LCORL: variants seen among roughly 807,000 people sequenced by gnomAD.
LCORL encodes ligand dependent nuclear receptor corepressor like.
LCORL carries 41 observed loss-of-function variants against 141.8 expected under a neutral mutation model. That is an observed-to-expected ratio of 0.29 (90% CI 0.23 to 0.38). The LOEUF (loss-of-function observed/expected upper bound fraction) is 0.38. Ranked by LOEUF, LCORL falls within the 10% of genes least tolerant of loss-of-function variation. LCORL has a pLI of 1.00. For synonymous variants in LCORL, 618 were observed against 694.1 expected (o/e 0.89, Z 1.72); for missense variants, 1,759 against 2,035.0 (o/e 0.86, Z 2.61).
chr4:17,912,058 C>A (rs1279671661), intron 4 of LCORL: 8 of 693,042 alleles, frequency 1.2e-5, no homozygotes, highest in African/African-American at 8.8e-5. Flanking sequence ...GAAGAAGGGA[C>A]CCCAGGTCAG....
At chr4:17,872,783 C>T (rs1354874080) in intron 7 of LCORL, among the ~76,000 whole-genome samples, 1 of 152,126 alleles carries the variant, frequency 6.6e-6, no homozygotes, top group African/African-American at 2.4e-5. Flanking sequence ...AACTACTCAA[C>T]AAGTTTGCTG....
intron 4 of LCORL, among the ~76,000 whole-genome samples, chr4:17,953,572 T>C (rs1711909716): frequency 6.6e-6 from 1 of 152,224 alleles, no homozygotes; most frequent in Non-Finnish European, 1.5e-5. Flanking sequence ...TTACTTGTCA[T>C]CTGCAAGGAC....
At chr4:17,972,515 A>G (rs1490386235) in intron 2 of LCORL, among the ~76,000 whole-genome samples, 1 of 151,728 alleles carries the variant, frequency 6.6e-6, no homozygotes, top group Non-Finnish European at 1.5e-5. Flanking sequence ...AATTTAATTA[A>G]CATTTATTTA....
intron 4 of LCORL, among the ~76,000 whole-genome samples, chr4:17,910,997 G>A (rs1577393509): frequency 6.6e-6 from 1 of 152,150 alleles, no homozygotes; most frequent in African/African-American, 2.4e-5. Context: ...AAAAGACCTA[G>A]CTATAGTTTG....
chr4:17,914,340 T>C (rs148331044), intron 4 of LCORL, among the ~76,000 whole-genome samples: 27 of 152,350 alleles, frequency 1.8e-4, no homozygotes, highest in African/African-American at 6.3e-4. Context: ...ACTTTATCAA[T>C]TCAATATGAT....
At chr4:17,843,649 T>G in exon 8 of LCORL, 2 of 360,046 alleles carry the variant, frequency 5.6e-6, no homozygotes, top group Non-Finnish European at 1.0e-5. Context: ...TATCACAATC[T>G]GAGGTGGGCC....
intron 1 of LCORL, among the ~76,000 whole-genome samples, chr4:18,004,557 G>A (rs75777053): frequency 7.9e-5 from 12 of 152,238 alleles, no homozygotes; most frequent in East Asian, 1.9e-4. Flanking sequence ...GGTTCCTATC[G>A]TGATACGTGG....
chr4:17,850,985 G>T (rs1250743951), intron 7 of LCORL, among the ~76,000 whole-genome samples: 1 of 149,258 alleles, frequency 6.7e-6, no homozygotes, highest in Non-Finnish European at 1.5e-5. Flanking sequence ...GTAGGGACAT[G>T]GATGAAATTG....
intron 1 of LCORL, among the ~76,000 whole-genome samples, chr4:17,986,106 G>C (rs1718916553): frequency 6.6e-6 from 1 of 152,206 alleles, no homozygotes; most frequent in Non-Finnish European, 1.5e-5. Context: ...CTTCTGGCTT[G>C]TAGGGTTTCT....
intron 7 of LCORL, among the ~76,000 whole-genome samples, chr4:17,854,234 A>T (rs1724097553): frequency 6.6e-6 from 1 of 152,196 alleles, no homozygotes; most frequent in Non-Finnish European, 1.5e-5. Flanking sequence ...AATGAAAGTC[A>T]CTACCTTTTA....
At chr4:17,958,442 T>C (rs959692940) in intron 4 of LCORL, among the ~76,000 whole-genome samples, 4 of 151,976 alleles carry the variant, frequency 2.6e-5, no homozygotes, top group Admixed American at 1.3e-4. Flanking sequence ...GACATCTTCC[T>C]GAATCATAAG....
chr4:17,941,040 T>C (rs1737861362), intron 4 of LCORL, among the ~76,000 whole-genome samples: 1 of 151,370 alleles, frequency 6.6e-6, no homozygotes, highest in Admixed American at 6.6e-5. Context: ...GATTCAGAGG[T>C]TTCTGAATAT....
chr4:17,864,489 G>A (rs13112181), intron 7 of LCORL, among the ~76,000 whole-genome samples: 63,018 of 152,028 alleles, frequency 0.41, 15,389 homozygotes, highest in Non-Finnish European at 0.55. Context: ...GGCATGAGCC[G>A]CCTCACCTGG....
At chr4:17,953,415 TC>T (rs1711871390) in intron 4 of LCORL, among the ~76,000 whole-genome samples, 1 of 152,158 alleles carries the variant, frequency 6.6e-6, no homozygotes, top group Non-Finnish European at 1.5e-5. Context: ...TCTGTTCCCC[TC>T]AAATTTAAAC....
rs781144413 is a variant in LCORL at position 17,884,058 on chromosome 4, A to C, written c.776+2010T>G. On this transcript the variant is annotated intron_variant, in intron 6 of 7. Coordinates refer to ENST00000635767, the Ensembl canonical transcript of LCORL. This position sits in a 1 kb window ranked among gnomAD's most constrained non-coding sequence, Gnocchi z 4.4. ...GTTCCATCAACTGTTCCATTTTTAG[A>C]ATTAAGACACAAAGGAGAGAGGTCC... 17 of 1,550,612 alleles carry C rather than the reference A, an allele frequency of 1.1e-5. No individual in the cohort carries two copies. Among genetic ancestry groups the C allele is most frequent in the Admixed American group, 2.0e-5 (1 of 50,872 alleles).
intron 2 of LCORL, among the ~76,000 whole-genome samples, chr4:17,963,717 A>C (rs946248041): frequency 2.6e-5 from 4 of 152,006 alleles, no homozygotes; most frequent in South Asian, 2.1e-4. Flanking sequence ...AAACTAAAAT[A>C]GTTCCTACTG....
At chr4:17,945,063 C>T (rs1307928407) in intron 4 of LCORL, among the ~76,000 whole-genome samples, 1 of 151,856 alleles carries the variant, frequency 6.6e-6, no homozygotes, top group Non-Finnish European at 1.5e-5. Context: ...TTAATCACAC[C>T]CTCTGCAAGA....
At chr4:17,963,105 A>G (rs760082147) in intron 2 of LCORL, 56 bp from the exon 3 acceptor site, 2 of 948,822 alleles carry the variant, frequency 2.1e-6, no homozygotes, top group Non-Finnish European at 3.2e-6. Flanking sequence ...AACAAATAAA[A>G]TTACCACTCT....
chr4:17,905,951 G>C (rs543400178), intron 5 of LCORL, among the ~76,000 whole-genome samples: 1 of 152,076 alleles, frequency 6.6e-6, no homozygotes, highest in Non-Finnish European at 1.5e-5. Flanking sequence ...AAATTCTTAA[G>C]GAAGCTATGT....
Sources: allele counts gnomAD v4.1 joint callset (sites outside exome capture counted in the v4.1 genomes callset), GRCh38; gene constraint gnomAD v4.1.1; non-coding constraint Gnocchi (gnomAD v3.1); transcripts MANE v1.5; gene names NCBI Gene and HGNC (gene_info 2026-07-23, HGNC 2026-07-21).